STK24: variants seen among roughly 807,000 people sequenced by gnomAD.
STK24 encodes serine/threonine kinase 24, also known as serine/threonine-protein kinase 24.
In STK24, 21 loss-of-function variants were observed where a neutral mutation model predicts 55.6. The observed-to-expected ratio is 0.38, with a 90% CI of 0.27 to 0.54. The LOEUF is 0.54. STK24 is among the 20% of genes least tolerant of loss of function. The pLI is 0.79. For synonymous variants in STK24, 200 were observed against 215.2 expected (o/e 0.93, Z 0.62); for missense variants, 383 against 538.4 (o/e 0.71, Z 2.86).
rs570687032 is a variant in STK24, at chr13:98,546,907, T to G, written c.43-27434A>C. 9.5e-4 allele frequency among the ~76,000 whole-genome samples: 144 copies of G among 152,238 alleles called. 1 individual carries two copies. The highest frequency in any genetic ancestry group is 3.4e-3 in the Middle Eastern group (1 of 294). On this transcript the variant is annotated intron_variant, in intron 1 of 10. Coordinates refer to ENST00000539966, the MANE Select transcript of STK24 (RefSeq NM_001032296.4). Reference sequence around the variant, plus strand: ...CCTTCCATATCTAATTGTTGTTTTTTTTTGTTTGTTTGTTTGTTTTTGAGA... The same window carrying G: ...CCTTCCATATCTAATTGTTGTTTTTGTTTGTTTGTTTGTTTGTTTTTGAGA...
chr13:98,508,085 A>T (rs1389884445), intron 2 of STK24, among the ~76,000 whole-genome samples: 1 of 152,238 alleles, frequency 6.6e-6, no homozygotes, highest in Non-Finnish European at 1.5e-5. Context: ...GGTCCCAGCT[A>T]CCCAGAATTC....
chr13:98,503,628 C>A (rs376697428), intron 2 of STK24, among the ~76,000 whole-genome samples: 3 of 152,314 alleles, frequency 2.0e-5, no homozygotes, highest in African/African-American at 7.2e-5. Flanking sequence ...ATGTAAGAAC[C>A]AGGAATGACC....
rs1895077970 is a variant in STK24, at chr13:98,492,424, T to C, written c.274-10103A>G. On this transcript the variant is annotated intron_variant, in intron 2 of 10. Transcript: ENST00000539966. ...TCTAGGGGAGGAAAAAAGGGTGCTT[T>C]TGGAAATGAGTATGTGATGTATGAG... Among the ~76,000 whole-genome samples, 3 of 152,166 alleles carry C rather than the reference T, an allele frequency of 2.0e-5. 1 individual carries two copies. Among genetic ancestry groups the C allele is most frequent in the South Asian group, 4.1e-4 (2 of 4,828 alleles).
intron 1 of STK24, among the ~76,000 whole-genome samples, chr13:98,542,511 G>GT (rs542583355): frequency 2.6e-4 from 40 of 152,214 alleles, no homozygotes; most frequent in African/African-American, 9.4e-4. Flanking sequence ...TGACAACACA[G>GT]TAACCCCTCA....
At chr13:98,529,049 C>T (rs1177371546) in intron 1 of STK24, among the ~76,000 whole-genome samples, 2 of 152,130 alleles carry the variant, frequency 1.3e-5, no homozygotes, top group African/African-American at 4.8e-5. Context: ...CAGTCACCAC[C>T]GATTTGGCCA....
At chr13:98,574,069 C>G (rs9517355) in intron 1 of STK24, among the ~76,000 whole-genome samples, 1 of 151,602 alleles carries the variant, frequency 6.6e-6, no homozygotes, top group South Asian at 2.1e-4. Context: ...TGGGGTGCAA[C>G]GGCACAATCT....
chr13:98,495,036 G>C (rs1412383824), intron 2 of STK24, among the ~76,000 whole-genome samples: 5 of 152,180 alleles, frequency 3.3e-5, no homozygotes, highest in African/African-American at 9.7e-5. Flanking sequence ...CAGCCTCCCA[G>C]CTCCGTCTAG....
chr13:98,502,504 G>A (rs898841239), intron 2 of STK24, among the ~76,000 whole-genome samples: 3 of 152,212 alleles, frequency 2.0e-5, no homozygotes, highest in African/African-American at 7.2e-5. Flanking sequence ...ATGCCACAGG[G>A]TTAGGAGGTG....
At chr13:98,529,537 T>TA (rs1334276594) in intron 1 of STK24, among the ~76,000 whole-genome samples, 2 of 152,190 alleles carry the variant, frequency 1.3e-5, no homozygotes, top group African/African-American at 4.8e-5. Context: ...TCCCCTCACT[T>TA]ACCCTCTTGT....
chr13:98,473,937 G>A (rs527290139), intron 5 of STK24, among the ~76,000 whole-genome samples: 1 of 152,334 alleles, frequency 6.6e-6, no homozygotes, highest in South Asian at 2.1e-4. Context: ...GAAGATTTCT[G>A]TTTAAAAGCA....
intron 10 of STK24, chr13:98,456,817 CAGAT>C (rs956327769): frequency 1.4e-4 from 55 of 393,884 alleles, no homozygotes; most frequent in Non-Finnish European, 2.2e-4. Flanking sequence ...AGCCGAAAAC[CAGAT>C]AGATAGTTAC....
chr13:98,540,223 A>G (rs1178074979), intron 1 of STK24, among the ~76,000 whole-genome samples: 1 of 152,228 alleles, frequency 6.6e-6, no homozygotes, highest in Non-Finnish European at 1.5e-5. Flanking sequence ...AACAGAGATC[A>G]CCTGTGAATG....
chr13:98,534,727 C>T (rs746376453), intron 1 of STK24, among the ~76,000 whole-genome samples: 1 of 152,130 alleles, frequency 6.6e-6, no homozygotes, highest in Admixed American at 6.5e-5. Flanking sequence ...ACCCAGGAAC[C>T]GAAAACAGCA....
At chr13:98,555,354 G>T (rs549928532) in intron 1 of STK24, among the ~76,000 whole-genome samples, 25 of 152,232 alleles carry the variant, frequency 1.6e-4, no homozygotes, top group Non-Finnish European at 2.5e-4. Flanking sequence ...GGCCGAGGCA[G>T]GCAGATCACG....
intron 6 of STK24, 70 bp downstream of exon 6, chr13:98,466,306 C>A: frequency 3.4e-6 from 5 of 1,463,986 alleles, no homozygotes; most frequent in Non-Finnish European, 4.6e-6. Flanking sequence ...TAAAGCAATC[C>A]CAACAGGATG....
chr13:98,565,287 T>C (rs1950756280), intron 1 of STK24, among the ~76,000 whole-genome samples: 1 of 151,922 alleles, frequency 6.6e-6, no homozygotes, highest in Admixed American at 6.6e-5. Flanking sequence ...GCAGAGCCTG[T>C]AGTCTGCATT....
At chr13:98,487,369 C>T (rs992840571) in intron 2 of STK24, among the ~76,000 whole-genome samples, 6 of 152,148 alleles carry the variant, frequency 3.9e-5, no homozygotes, top group Non-Finnish European at 7.3e-5. Flanking sequence ...TGAATGACCT[C>T]GTGATACAAT....
At chr13:98,499,105 G>C (rs1434299617) in intron 2 of STK24, among the ~76,000 whole-genome samples, 1 of 152,116 alleles carries the variant, frequency 6.6e-6, no homozygotes, top group Non-Finnish European at 1.5e-5. Flanking sequence ...AAATTAGCCA[G>C]CATAGTGGTG....
intron 1 of STK24, among the ~76,000 whole-genome samples, chr13:98,535,381 ATATATATATG>A (rs1198592218): frequency 7.2e-5 from 10 of 138,160 alleles, no homozygotes; most frequent in African/African-American, 3.0e-4. Flanking sequence ...ATATATATAT[ATATATATATG>A]TGTGTATACA....
Sources: gnomAD v4.1 joint callset for allele counts (sites outside exome capture counted in the v4.1 genomes callset) on GRCh38, gnomAD v4.1.1 for gene constraint, MANE v1.5 for transcripts, NCBI Gene and HGNC (gene_info 2026-07-23, HGNC 2026-07-21) for gene names.